Variants in EYS observed in about 807,000 individuals in gnomAD.
EYS encodes the protein protein eyes shut homolog.
A neutral mutation model predicts 282.1 loss-of-function variants in EYS; 250 were observed. The observed-to-expected ratio is 0.89, with a 90% confidence interval of 0.80 to 0.98. The LOEUF is 0.98. Among genes scored for constraint, EYS ranks in the 50% least tolerant of loss-of-function variants. The pLI, the probability that EYS is intolerant of heterozygous loss-of-function variation, is 0.00. For synonymous variants in EYS, 1,355 were observed against 1,282.9 expected (o/e 1.06, Z -1.20); for missense variants, 4,016 against 3,709.0 (o/e 1.08, Z -2.15).
chr6:64,645,019 A>T (rs917015632), intron 22 of EYS, among the ~76,000 whole-genome samples: 7 of 152,228 alleles, frequency 4.6e-5, no homozygotes, highest in Admixed American at 4.6e-4. Context: ...GTAAACAACT[A>T]GAAATAATCA....
intron 8 of EYS, among the ~76,000 whole-genome samples, chr6:65,371,650 G>A (rs1283744934): frequency 6.7e-6 from 1 of 150,152 alleles, no homozygotes; most frequent in Non-Finnish European, 1.5e-5. Flanking sequence ...AAGCTTACCT[G>A]CTTTCCTCTC....
intron 26 of EYS, among the ~76,000 whole-genome samples, chr6:64,458,477 T>G (rs914440163): frequency 8.5e-5 from 13 of 152,112 alleles, no homozygotes; most frequent in African/African-American, 2.9e-4. Flanking sequence ...TTTTTCTTTT[T>G]CTTCAGCACT....
chr6:64,920,748 T>C (rs1335017094), intron 15 of EYS, among the ~76,000 whole-genome samples: 1 of 152,156 alleles, frequency 6.6e-6, no homozygotes, highest in Non-Finnish European at 1.5e-5. Flanking sequence ...AGATCCTATA[T>C]ACCTACACAT....
Position 63,726,597 on chromosome 6 carries a change from G to A in EYS, c.8155C>T (p.His2719Tyr). ...AGAGGCTGAAACTGCAATTGAATAT[G>A]TGTCTTTTTTCGAACATGAAAGGAA... ...FASFHVRKKT[H>Y]IQLQFQPLAA... The change falls in exon 42 of 43, where the codon CAT (histidine) becomes TAT (tyrosine). Residue 2719 changes from histidine to tyrosine, a missense_variant. His to Tyr is a moderately conservative substitution (Grantham distance 83). Transcript: ENST00000503581. 1 of 1,551,114 alleles carries A rather than the reference G, an allele frequency of 6.4e-7. No homozygotes were observed. Among genetic ancestry groups the A allele is most frequent in the Non-Finnish European group, 8.7e-7 (1 of 1,146,566 alleles).
intron 2 of EYS, among the ~76,000 whole-genome samples, chr6:65,561,208 C>CA (rs1769044935): frequency 6.6e-6 from 1 of 152,104 alleles, no homozygotes; most frequent in Non-Finnish European, 1.5e-5. Context: ...AGACTGCCAT[C>CA]CATAGGCAGA....
At chr6:64,461,680 G>C (rs138876744) in intron 26 of EYS, among the ~76,000 whole-genome samples, 31 of 152,196 alleles carry the variant, frequency 2.0e-4, no homozygotes, top group Non-Finnish European at 4.0e-4. Flanking sequence ...AGCTGATCGA[G>C]AGCAATAATT....
chr6:64,224,499 T>C (rs1030230692), intron 31 of EYS, among the ~76,000 whole-genome samples: 1 of 152,108 alleles, frequency 6.6e-6, no homozygotes, highest in Admixed American at 6.6e-5. Flanking sequence ...CGATTCCATA[T>C]GTGCCCTGCT....
At chr6:65,022,363 G>A (rs1772275103) in intron 13 of EYS, among the ~76,000 whole-genome samples, 1 of 152,190 alleles carries the variant, frequency 6.6e-6, no homozygotes, top group Admixed American at 6.5e-5. Flanking sequence ...CATGCTTATT[G>A]CGATAGTAAC....
intron 41 of EYS, among the ~76,000 whole-genome samples, chr6:63,753,059 C>A (rs1050840356): frequency 6.8e-6 from 1 of 146,880 alleles, no homozygotes; most frequent in Non-Finnish European, 1.5e-5. Context: ...ATTTTCTTTT[C>A]TTTTCTTGGT....
intron 2 of EYS, among the ~76,000 whole-genome samples, chr6:65,575,820 C>T (rs966580830): frequency 4.6e-5 from 7 of 151,918 alleles, no homozygotes; most frequent in African/African-American, 1.4e-4. Context: ...CAATTATACA[C>T]CAACAAATTG....
chr6:64,091,801 G>T (rs938106422), intron 31 of EYS, among the ~76,000 whole-genome samples: 6 of 152,054 alleles, frequency 3.9e-5, no homozygotes, highest in Non-Finnish European at 8.8e-5. Context: ...TGCAAAACGT[G>T]CAGGTTTGTT....
intron 22 of EYS, among the ~76,000 whole-genome samples, chr6:64,670,571 A>G (rs1300116235): frequency 6.6e-6 from 1 of 152,116 alleles, no homozygotes; most frequent in Non-Finnish European, 1.5e-5. Context: ...AGAGTATGAG[A>G]CATTTTGCAT....
intron 37 of EYS, among the ~76,000 whole-genome samples, chr6:63,798,395 GTTC>G (rs1184663285): frequency 6.6e-6 from 1 of 152,118 alleles, no homozygotes; most frequent in Non-Finnish European, 1.5e-5. Flanking sequence ...ATAATTTGAG[GTTC>G]TCAGGAAGAA....
chr6:64,999,992 G>A (rs1313309806), intron 13 of EYS, among the ~76,000 whole-genome samples: 2 of 152,198 alleles, frequency 1.3e-5, no homozygotes, highest in African/African-American at 4.8e-5. Context: ...GATACAGAAA[G>A]CCCTCTGTCC....
At chr6:65,413,196 G>A (rs377504303) in intron 5 of EYS, among the ~76,000 whole-genome samples, 1 of 152,052 alleles carries the variant, frequency 6.6e-6, no homozygotes, top group African/African-American at 2.4e-5. Flanking sequence ...TTTTTCTTAT[G>A]TAAAATATTC....
At chr6:64,474,246 A>G (rs1776201568) in intron 26 of EYS, among the ~76,000 whole-genome samples, 1 of 152,174 alleles carries the variant, frequency 6.6e-6, no homozygotes, top group Middle Eastern at 3.2e-3. Flanking sequence ...ACTTCTATAT[A>G]TAAATTTATA....
intron 22 of EYS, among the ~76,000 whole-genome samples, chr6:64,744,441 T>C (rs1193475005): frequency 6.6e-6 from 1 of 152,164 alleles, no homozygotes. Flanking sequence ...AATATTGGGT[T>C]ATTCTAGACA....
chr6:65,019,732 C>T (rs1191381353), intron 13 of EYS, among the ~76,000 whole-genome samples: 1 of 152,134 alleles, frequency 6.6e-6, no homozygotes, highest in African/African-American at 2.4e-5. Flanking sequence ...AGGCACCCAA[C>T]TCTTAGTAAT....
rs535459265 is a variant in EYS, at chr6:64,992,649, TC to T, written c.2259+4932del. Among the ~76,000 whole-genome samples, 694 of 152,106 alleles carry T rather than the reference TC, an allele frequency of 4.6e-3. 10 individuals carry two copies. Among genetic ancestry groups the T allele is most frequent in the African/African-American group, 0.016 (658 of 41,542 alleles). On this transcript the variant is annotated intron_variant, in intron 14 of 42. Transcript: ENST00000503581. The stretch of plus-strand genomic sequence containing the variant: ...CTTTTTGCTACAAAAATTGAATTTT[TC>T]CTTTCTTTAGGCATATTCAGATGGC...
Sources: allele counts gnomAD v4.1 joint callset (sites outside exome capture counted in the v4.1 genomes callset), GRCh38; gene constraint gnomAD v4.1.1; transcripts MANE v1.5; gene names NCBI Gene and HGNC (gene_info 2026-07-23, HGNC 2026-07-21).